Variants in ABHD17B observed in about 807,000 individuals in gnomAD.
The protein encoded by ABHD17B is abhydrolase domain containing 17B, depalmitoylase, also known as alpha/beta hydrolase domain-containing protein 17B.
A neutral mutation model predicts 26.2 loss-of-function variants in ABHD17B; 9 were observed. The observed-to-expected ratio is 0.34, with a 90% confidence interval of 0.21 to 0.60. The LOEUF (loss-of-function observed/expected upper bound fraction) is 0.60. ABHD17B is among the 20% of genes least tolerant of loss of function. The pLI, the probability that ABHD17B is intolerant of heterozygous loss-of-function variation, is 0.80. For missense variants in ABHD17B, 224 were observed against 352.1 expected (o/e 0.64, Z 2.91); for synonymous variants, 127 against 122.3 (o/e 1.04, Z -0.25).
At chr9:71,906,680 T>C (rs1206659309) in intron 1 of ABHD17B, among the ~76,000 whole-genome samples, 1 of 152,012 alleles carries the variant, frequency 6.6e-6, no homozygotes, top group Non-Finnish European at 1.5e-5. Context: ...TAGCCAGGCT[T>C]GATGGTGCAT....
intron 1 of ABHD17B, among the ~76,000 whole-genome samples, chr9:71,905,674 A>C (rs1037793681): frequency 7.9e-5 from 12 of 152,294 alleles, no homozygotes; most frequent in Admixed American, 6.5e-5. Flanking sequence ...ACTATAATGA[A>C]TGAGGGGCAC....
intron 1 of ABHD17B, among the ~76,000 whole-genome samples, chr9:71,891,485 C>T (rs1378388498): frequency 6.6e-6 from 1 of 152,010 alleles, no homozygotes; most frequent in East Asian, 1.9e-4. Flanking sequence ...TCTTTTTGTT[C>T]TCTTCATTTG....
chr9:71,893,103 A>C (rs1826842175), intron 1 of ABHD17B, among the ~76,000 whole-genome samples: 1 of 152,220 alleles, frequency 6.6e-6, no homozygotes, highest in Non-Finnish European at 1.5e-5. Flanking sequence ...AGGCTGAAAA[A>C]TATTCCATTG....
At chr9:71,862,740 T>TA (rs1179525136), downstream of ABHD17B, 12 of 584,810 alleles carry the variant, frequency 2.1e-5, no homozygotes, top group Non-Finnish European at 3.7e-5. Context: ...AGAATACCAC[T>TA]ATTTACATGA....
intron 1 of ABHD17B, among the ~76,000 whole-genome samples, chr9:71,903,185 TC>T (rs902326704): frequency 3.9e-5 from 6 of 152,122 alleles, no homozygotes; most frequent in Middle Eastern, 3.4e-3. Flanking sequence ...ACTATTGTCA[TC>T]CTTTTTTTTT....
intron 1 of ABHD17B, chr9:71,902,480 G>A (rs1424185299): frequency 1.4e-5 from 2 of 146,638 alleles, no homozygotes; most frequent in Non-Finnish European, 3.0e-5. Flanking sequence ...TGAAGCAGTG[G>A]AACTGGAGAA....
At chr9:71,887,797 T>C (rs151219460) in intron 1 of ABHD17B, among the ~76,000 whole-genome samples, 4 of 152,356 alleles carry the variant, frequency 2.6e-5, no homozygotes, top group East Asian at 1.9e-4. Context: ...CTGTTGAACA[T>C]TGATAAAACA....
chr9:71,878,665 T>C (rs1215630647), intron 1 of ABHD17B, among the ~76,000 whole-genome samples: 1 of 152,124 alleles, frequency 6.6e-6, no homozygotes, highest in Non-Finnish European at 1.5e-5. Flanking sequence ...GTATCTGGGC[T>C]GGGTGTGGTG....
intron 2 of ABHD17B, among the ~76,000 whole-genome samples, chr9:71,870,904 G>A (rs1377505438): frequency 6.6e-6 from 1 of 152,246 alleles, no homozygotes; most frequent in African/African-American, 2.4e-5. Flanking sequence ...TAGACTTTAC[G>A]CTAAAATTAC....
chr9:71,903,967 C>T (rs1459811333), intron 1 of ABHD17B, among the ~76,000 whole-genome samples: 1 of 152,156 alleles, frequency 6.6e-6, no homozygotes, highest in African/African-American at 2.4e-5. Flanking sequence ...CAAGTTCACA[C>T]AACTTAAAGG....
chr9:71,892,118 A>C (rs191369786), intron 1 of ABHD17B, among the ~76,000 whole-genome samples: 1 of 152,338 alleles, frequency 6.6e-6, no homozygotes, highest in African/African-American at 2.4e-5. Context: ...TCTAGTTCTA[A>C]AACTTTGTAA....
intron 1 of ABHD17B, among the ~76,000 whole-genome samples, chr9:71,899,468 A>T (rs1173894297): frequency 6.6e-6 from 1 of 152,182 alleles, no homozygotes. Context: ...TGGTTTGCTC[A>T]CCCTTACAAA....
Position 71,890,864 on chromosome 9 carries a change from G to T in ABHD17B, c.-3-15781C>A, listed in dbSNP as rs1826760513. On this transcript the variant is annotated intron_variant, in intron 1 of 3. Transcript: ENST00000333421. ...CTTAAAGACATGTTTAGACCCCAGT[G>T]ATTTCTGTTTTAATTTGAAATAATT... Among the ~76,000 whole-genome samples, 3 of 152,146 alleles carry T rather than the reference G, an allele frequency of 2.0e-5. No homozygotes were observed. The South Asian group carries it at 6.2e-4, about 32-fold the overall frequency.
chr9:71,898,686 G>C (rs1365585260), intron 1 of ABHD17B, among the ~76,000 whole-genome samples: 2 of 151,916 alleles, frequency 1.3e-5, no homozygotes, highest in Admixed American at 1.3e-4. Flanking sequence ...GGCGGGTTTA[G>C]ACATGTGAGA....
intron 1 of ABHD17B, among the ~76,000 whole-genome samples, chr9:71,886,025 GT>G (rs1313146200): frequency 1.3e-5 from 2 of 152,154 alleles, no homozygotes; most frequent in Non-Finnish European, 2.9e-5. Flanking sequence ...TACACTGTAT[GT>G]GATAAACCAT....
intron 1 of ABHD17B, among the ~76,000 whole-genome samples, chr9:71,886,077 T>C (rs1336939314): frequency 3.3e-5 from 5 of 152,216 alleles, no homozygotes; most frequent in Non-Finnish European, 7.3e-5. Flanking sequence ...AGAACTATAG[T>C]CTAAAATTCA....
At chr9:71,906,325 C>A (rs1827282940) in intron 1 of ABHD17B, among the ~76,000 whole-genome samples, 1 of 152,154 alleles carries the variant, frequency 6.6e-6, no homozygotes, top group African/African-American at 2.4e-5. Context: ...TTCAGAAAAT[C>A]ATTTTCCACT....
chr9:71,874,835 C>G lies in ABHD17B; in HGVS notation c.246G>C (p.Met82Ile). ...TCGCATTGGGTGAACAACGTACAAA[C>G]ATACAAGCAATTCTGTTGCCTTTAC... ...RTSKGNRIAC[M>I]FVRCSPNAKY... The change falls in exon 2 of 4, where the codon ATG becomes ATC. Residue 82 changes from methionine (M) to isoleucine (I), a missense_variant. Met to Ile is a conservative substitution (Grantham distance 10). Coordinates refer to ENST00000333421, the MANE Select transcript of ABHD17B (RefSeq NM_001025780.3). 6.2e-7 allele frequency: 1 copy of G among 1,614,180 alleles called. No individual in the cohort carries two copies. Among genetic ancestry groups the G allele is most frequent in the Non-Finnish European group, 8.5e-7 (1 of 1,180,022 alleles).
At chr9:71,890,939 T>C (rs1209404900) in intron 1 of ABHD17B, among the ~76,000 whole-genome samples, 1 of 152,196 alleles carries the variant, frequency 6.6e-6, no homozygotes, top group Non-Finnish European at 1.5e-5. Flanking sequence ...TAGTACTTCT[T>C]TTCATCACAT....
Sources: allele counts gnomAD v4.1 joint callset (sites outside exome capture counted in the v4.1 genomes callset), GRCh38; gene constraint gnomAD v4.1.1; transcripts MANE v1.5; gene names NCBI Gene and HGNC (gene_info 2026-07-23, HGNC 2026-07-21).